The following DNAH11 variants were observed in gnomAD, a reference collection of about 807,000 sequenced individuals.
DNAH11 encodes axonemal beta dynein heavy chain 11.
In DNAH11, 442 loss-of-function variants were observed where a neutral mutation model predicts 526.0. The ratio of observed to expected loss-of-function variants is 0.84; its 90% CI spans 0.78 to 0.91. The LOEUF is 0.91. DNAH11 is among the 40% of genes least tolerant of loss of function. The pLI, the probability that DNAH11 is intolerant of heterozygous loss-of-function variation, is 0.00. For synonymous variants in DNAH11, 2,461 were observed against 1,935.9 expected, an observed-to-expected ratio of 1.27 and a Z score of -7.12; for missense variants, 6,989 against 5,448.7, an observed-to-expected ratio of 1.28 and a Z score of -8.90.
At chr7:21,714,158 G>T (rs1197794792) in intron 42 of DNAH11, among the ~76,000 whole-genome samples, 1 of 152,198 alleles carries the variant, frequency 6.6e-6, no homozygotes, top group Non-Finnish European at 1.5e-5. Context: ...AATCCCTAAA[G>T]AAGGACTTCT....
intron 55 of DNAH11, among the ~76,000 whole-genome samples, chr7:21,769,260 C>T (rs371382724): frequency 4.2e-4 from 64 of 152,290 alleles, no homozygotes; most frequent in African/African-American, 1.5e-3. Context: ...CTTCAAGCCT[C>T]GACCTCATAA....
chr7:21,882,402 C>G (rs528079231), intron 75 of DNAH11, among the ~76,000 whole-genome samples: 1 of 152,102 alleles, frequency 6.6e-6, no homozygotes, highest in African/African-American at 2.4e-5. Flanking sequence ...GAATTAAATT[C>G]CTATGAGCAC....
At chr7:21,617,832 C>A in intron 23 of DNAH11, 55 bp downstream of exon 23, 2 of 1,479,556 alleles carry the variant, frequency 1.4e-6, no homozygotes, top group Non-Finnish European at 1.8e-6. Context: ...AGTGTTACTT[C>A]TTGGTTTGCA....
intron 44 of DNAH11, among the ~76,000 whole-genome samples, chr7:21,722,139 A>G (rs533007752): frequency 3.9e-5 from 6 of 152,180 alleles, no homozygotes; most frequent in Non-Finnish European, 5.9e-5. Context: ...ATGCACCTCT[A>G]TGTGTAATTT....
intron 68 of DNAH11, among the ~76,000 whole-genome samples, chr7:21,857,368 T>C (rs1203172623): frequency 6.6e-6 from 1 of 152,146 alleles, no homozygotes; most frequent in Admixed American, 6.5e-5. Context: ...ATGCTCAATA[T>C]TGTTAAGATG....
intron 24 of DNAH11, 96 bp from the exon 25 acceptor site, chr7:21,619,860 A>G: frequency 3.2e-6 from 4 of 1,241,216 alleles, no homozygotes; most frequent in Non-Finnish European, 3.4e-6. Context: ...ATCAGTTTGC[A>G]TTTTTGAAAG....
chr7:21,596,158 A>G lies in DNAH11; in HGVS notation c.2668-3629A>G, dbSNP rs1334985797. The stretch of plus-strand genomic sequence containing the variant: ...CCCATCAATGACAATTTGCTAGGAC[A>G]AAGACTTTGTTTCTGTCTTCTTTGA... On this transcript the variant is annotated intron_variant, in intron 14 of 81. Coordinates refer to ENST00000409508, the MANE Select transcript of DNAH11 (RefSeq NM_001277115.2). Among the ~76,000 whole-genome samples the G allele has an allele frequency of 2.6e-5, 4 of 152,268 alleles. No individual in the cohort carries two copies. The South Asian group carries it at 6.2e-4, about 24-fold the overall frequency.
intron 37 of DNAH11, among the ~76,000 whole-genome samples, chr7:21,704,054 A>G (rs1456430050): frequency 6.6e-6 from 1 of 152,244 alleles, no homozygotes; most frequent in African/African-American, 2.4e-5. Flanking sequence ...GTTTGAGATT[A>G]TCATTCTAAG....
At position 21,710,717 on chromosome 7, in the gene DNAH11, CT is replaced by C. The variant is rs755203459; in HGVS notation, c.6834+15del. Reference sequence around the variant, plus strand: ...GATGATAACAAGGTGAATAAAACCTCTGTTCTCAACCTTAAATATAACATCC... The same window carrying C: ...GATGATAACAAGGTGAATAAAACCTCGTTCTCAACCTTAAATATAACATCC... On this transcript the variant is annotated intron_variant, in intron 41 of 81. Coordinates refer to ENST00000409508, the MANE Select transcript of DNAH11 (RefSeq NM_001277115.2). The C allele has an allele frequency of 1.6e-5, 25 of 1,603,372 alleles. No individual in the cohort carries two copies. In the South Asian group the frequency reaches 2.6e-4, roughly 17 times the overall value.
Position 21,779,010 on chromosome 7 carries a change from G to A in DNAH11, c.9389G>A (p.Arg3130Lys). ...TCTCAAGAAGCCGAGCTGCAACTGA[G>A]AAATCATGATGCCGAAGCTCTGATC... is the stretch of plus-strand genomic sequence containing the variant. ...LASQEAELQLRNHDAEALITK... is the reference protein window; with the variant it reads ...LASQEAELQLKNHDAEALITK... Residue 3130 changes from arginine (R) to lysine (K), a missense_variant, in exon 57 of 82, where the codon AGA becomes AAA. Transcript: ENST00000409508. 1 of 1,613,480 alleles carries A rather than the reference G, an allele frequency of 6.2e-7. No individual in the cohort carries two copies. The highest frequency in any genetic ancestry group is 8.5e-7 in the Non-Finnish European group (1 of 1,179,632).
chr7:21,812,216 A>G (rs1789555967), intron 63 of DNAH11, among the ~76,000 whole-genome samples: 1 of 152,214 alleles, frequency 6.6e-6, no homozygotes, highest in Non-Finnish European at 1.5e-5. Flanking sequence ...TATATCATTC[A>G]TAAGATGGGG....
At chr7:21,872,987 G>A (rs564591898) in intron 73 of DNAH11, among the ~76,000 whole-genome samples, 1 of 152,146 alleles carries the variant, frequency 6.6e-6, no homozygotes, top group Non-Finnish European at 1.5e-5. Context: ...GTGACTGGTG[G>A]GCTTTTGAAG....
At chr7:21,564,158 C>A (rs370125815) in intron 5 of DNAH11, 28 bp from the exon 6 acceptor site, 61 of 1,398,340 alleles carry the variant, frequency 4.4e-5, no homozygotes, top group Non-Finnish European at 5.7e-5. Context: ...AAACCAGAAT[C>A]ACGTTAATGG....
At chr7:21,882,254 T>C (rs1447641518) in intron 75 of DNAH11, among the ~76,000 whole-genome samples, 6 of 152,190 alleles carry the variant, frequency 3.9e-5, no homozygotes, top group Non-Finnish European at 8.8e-5. Context: ...GAAACACCAG[T>C]TGACCAACCG....
At chr7:21,652,075 AATGGAATCAAACATAG>A (rs1200857724) in intron 28 of DNAH11, among the ~76,000 whole-genome samples, 6 of 152,244 alleles carry the variant, frequency 3.9e-5, no homozygotes. Context: ...TAGAAGCAAA[AATGGAATCAAACATAG>A]ATGGGAGTCA....
chr7:21,728,114 G>C (rs1038545233), intron 45 of DNAH11, among the ~76,000 whole-genome samples: 2 of 152,008 alleles, frequency 1.3e-5, no homozygotes, highest in East Asian at 3.9e-4. Flanking sequence ...AGGGGTTAAG[G>C]CTTCAAGAGA....
At chr7:21,832,425 A>G (rs1184332268) in intron 65 of DNAH11, among the ~76,000 whole-genome samples, 1 of 152,100 alleles carries the variant, frequency 6.6e-6, no homozygotes, top group Non-Finnish European at 1.5e-5. Flanking sequence ...TCGCTTATGA[A>G]GCTTAGTTTG....
chr7:21,742,999 G>A (rs2128491181), intron 49 of DNAH11, among the ~76,000 whole-genome samples: 1 of 152,322 alleles, frequency 6.6e-6, no homozygotes, highest in African/African-American at 2.4e-5. Context: ...GGGCAGAAAG[G>A]ACAGAGCAAA....
intron 32 of DNAH11, among the ~76,000 whole-genome samples, 187 bp downstream of exon 32, chr7:21,684,131 G>C (rs1046712665): frequency 2.0e-5 from 3 of 152,166 alleles, no homozygotes. Flanking sequence ...ATCATGAGTG[G>C]ATTAATATGG....
Sources: gnomAD v4.1 joint callset for allele counts (sites outside exome capture counted in the v4.1 genomes callset) on GRCh38, gnomAD v4.1.1 for gene constraint, MANE v1.5 for transcripts, NCBI Gene and HGNC (gene_info 2026-07-23, HGNC 2026-07-21) for gene names.